EYS: variants seen among roughly 807,000 people sequenced by gnomAD.
The protein encoded by EYS is EGF-like photoreceptor maintenance factor.
Under a neutral mutation model 282.1 loss-of-function variants are expected in EYS, and 250 were observed. That is an observed-to-expected ratio of 0.89 (90% confidence interval 0.80 to 0.98). The LOEUF is 0.98. Among genes scored for constraint, EYS ranks in the 50% least tolerant of loss-of-function variants. The pLI, the probability that EYS is intolerant of heterozygous loss-of-function variation, is 0.00. For missense variants in EYS, 4,016 were observed against 3,709.0 expected (o/e 1.08, Z -2.15); for synonymous variants, 1,355 against 1,282.9 (o/e 1.06, Z -1.20).
intron 29 of EYS, among the ~76,000 whole-genome samples, chr6:64,338,809 G>A (rs563081606): frequency 8.6e-5 from 13 of 151,942 alleles, no homozygotes; most frequent in Middle Eastern, 3.2e-3. Context: ...GAACAGAATA[G>A]ACAACCCAGA....
At chr6:65,341,848 T>TA (rs147503895) in intron 10 of EYS, among the ~76,000 whole-genome samples, 1,758 of 151,376 alleles carry the variant, frequency 0.012, 35 homozygotes, top group African/African-American at 0.04. Context: ...CTGTTTTGCT[T>TA]AGAAAAAATA....
chr6:65,487,498 C>T (rs1765846379), intron 5 of EYS, among the ~76,000 whole-genome samples: 1 of 152,192 alleles, frequency 6.6e-6, no homozygotes, highest in East Asian at 1.9e-4. Flanking sequence ...GTATGTTTAA[C>T]TGGCATTGCA....
At chr6:63,757,272 A>T (rs2058141343) in intron 41 of EYS, among the ~76,000 whole-genome samples, 1 of 152,070 alleles carries the variant, frequency 6.6e-6, no homozygotes, top group African/African-American at 2.4e-5. Context: ...TGCGGTTGAC[A>T]TAAGGACTGA....
intron 22 of EYS, among the ~76,000 whole-genome samples, chr6:64,628,520 C>T (rs1182164865): frequency 6.6e-6 from 1 of 152,140 alleles, no homozygotes; most frequent in Non-Finnish European, 1.5e-5. Context: ...GTAATCCTCA[C>T]ACCTCAGCCT....
intron 2 of EYS, among the ~76,000 whole-genome samples, chr6:65,608,864 A>C (rs1025194451): frequency 3.3e-5 from 5 of 152,018 alleles, no homozygotes; most frequent in African/African-American, 1.2e-4. Flanking sequence ...ACTGCCCTTC[A>C]CCTCCACATT....
chr6:64,809,206 G>T (rs1169322030), intron 22 of EYS, among the ~76,000 whole-genome samples: 1 of 152,062 alleles, frequency 6.6e-6, no homozygotes, highest in African/African-American at 2.4e-5. Flanking sequence ...GATATAAAAT[G>T]CTAGAAACTG....
chr6:65,475,432 C>G (rs567047349), intron 5 of EYS, among the ~76,000 whole-genome samples: 2 of 151,524 alleles, frequency 1.3e-5, no homozygotes, highest in Admixed American at 1.3e-4. Flanking sequence ...TAAAATAAAC[C>G]GAAAATTCAA....
At chr6:64,165,009 T>C (rs551548565) in intron 31 of EYS, among the ~76,000 whole-genome samples, 1 of 152,220 alleles carries the variant, frequency 6.6e-6, no homozygotes, top group Non-Finnish European at 1.5e-5. Flanking sequence ...TTAAATAAAA[T>C]ATGATATGCC....
chr6:63,905,002 A>G (rs1395285982), intron 35 of EYS, among the ~76,000 whole-genome samples: 5 of 152,218 alleles, frequency 3.3e-5, no homozygotes, highest in Non-Finnish European at 7.3e-5. Flanking sequence ...CTAGTTCTAG[A>G]ATATTTTTAT....
chr6:63,788,320 T>G (rs886410733), intron 38 of EYS, 71 bp from the exon 39 acceptor site: 1 of 1,247,522 alleles, frequency 8.0e-7, no homozygotes, highest in African/African-American at 1.6e-5. Flanking sequence ...GATACTCTTT[T>G]GTTATTTCCC....
intron 12 of EYS, among the ~76,000 whole-genome samples, chr6:65,126,953 T>C (rs1222953779): frequency 6.6e-6 from 1 of 152,078 alleles, no homozygotes; most frequent in Non-Finnish European, 1.5e-5. Context: ...AGAGTGTGAA[T>C]TGTGATCCAT....
At chr6:63,800,539 C>T (rs969952046) in intron 37 of EYS, among the ~76,000 whole-genome samples, 3 of 152,270 alleles carry the variant, frequency 2.0e-5, no homozygotes, top group Non-Finnish European at 4.4e-5. Context: ...GAGTGGCTCA[C>T]GCCTGTAATC....
At chr6:64,142,786 G>C (rs1355534394) in intron 31 of EYS, among the ~76,000 whole-genome samples, 2 of 152,122 alleles carry the variant, frequency 1.3e-5, no homozygotes, top group African/African-American at 2.4e-5. Context: ...TTTAATGGTG[G>C]TATGGGAAGG....
intron 26 of EYS, among the ~76,000 whole-genome samples, chr6:64,453,865 G>C (rs543695934): frequency 6.6e-6 from 1 of 152,088 alleles, no homozygotes; most frequent in Non-Finnish European, 1.5e-5. Context: ...TGTGGCGTGG[G>C]GGGAGTGGGG....
rs150207083 is a variant in EYS at position 65,377,715 on chromosome 6, T to A, written c.1299+6671A>T. On this transcript the variant is annotated intron_variant, in intron 8 of 42. Transcript: ENST00000503581. ...GATATCAACACCGATCCCACAGAAA[T>A]AAAAACTACCAACAGAGAATACTAT... is the stretch of plus-strand genomic sequence containing the variant. Among the ~76,000 whole-genome samples the A allele has an allele frequency of 4.8e-3, 725 of 151,588 alleles. 4 individuals are homozygous for A. The highest frequency in any genetic ancestry group is 8.8e-3 in the Non-Finnish European group (596 of 67,846).
At chr6:65,427,518 A>T (rs1767706286) in intron 5 of EYS, among the ~76,000 whole-genome samples, 1 of 152,084 alleles carries the variant, frequency 6.6e-6, no homozygotes, top group African/African-American at 2.4e-5. Context: ...AATTATAAAC[A>T]CATATTTTAA....
At chr6:64,936,860 C>T (rs982954280) in intron 15 of EYS, among the ~76,000 whole-genome samples, 5 of 151,154 alleles carry the variant, frequency 3.3e-5, no homozygotes, top group African/African-American at 9.7e-5. Context: ...TACAAGGATC[C>T]CAGTTTAGCA....
At chr6:64,183,382 T>C (rs1431648105) in intron 31 of EYS, among the ~76,000 whole-genome samples, 1 of 152,184 alleles carries the variant, frequency 6.6e-6, no homozygotes, top group Non-Finnish European at 1.5e-5. Flanking sequence ...CCTGTCCAAG[T>C]AGTAGAGTGA....
intron 31 of EYS, among the ~76,000 whole-genome samples, chr6:64,205,521 T>C (rs79439392): frequency 0.012 from 1,855 of 152,282 alleles, 38 homozygotes; most frequent in African/African-American, 0.043. Flanking sequence ...AGTTTTATGC[T>C]TTAAAATTTC....
Sources: allele counts gnomAD v4.1 joint callset (sites outside exome capture counted in the v4.1 genomes callset), GRCh38; gene constraint gnomAD v4.1.1; transcripts MANE v1.5; gene names NCBI Gene and HGNC (gene_info 2026-07-23, HGNC 2026-07-21).